The following ATP2C2 variants were observed in gnomAD, a reference collection of about 807,000 sequenced individuals.
ATP2C2 encodes calcium-transporting ATPase type 2C member 2.
A neutral mutation model predicts 110.8 loss-of-function variants in ATP2C2; 171 were observed. That is an observed-to-expected ratio of 1.54 (90% CI 1.36 to 1.75). ATP2C2 has a LOEUF of 1.75. ATP2C2 is among the 40% of genes most tolerant of loss of function. The pLI is 0.00. For missense variants in ATP2C2, 1,963 were observed against 1,235.0 expected (o/e 1.59, Z -8.84); for synonymous variants, 804 against 508.4 (o/e 1.58, Z -7.82).
intron 11 of ATP2C2, 46 bp downstream of exon 11, chr16:84,425,847 G>C: frequency 6.3e-7 from 1 of 1,596,508 alleles, no homozygotes; most frequent in Non-Finnish European, 8.6e-7. Flanking sequence ...GTGGTCAATG[G>C]GCTCTGAGCC....
intron 16 of ATP2C2, 51 bp downstream of exon 16, chr16:84,446,481 C>A: frequency 1.5e-6 from 2 of 1,358,964 alleles, no homozygotes; most frequent in South Asian, 1.4e-5. Flanking sequence ...CGGGCCCCCA[C>A]CCAGAGATAA....
At chr16:84,390,680 G>T (rs1040507307) in intron 1 of ATP2C2, among the ~76,000 whole-genome samples, 1 of 152,164 alleles carries the variant, frequency 6.6e-6, no homozygotes, top group African/African-American at 2.4e-5. Context: ...GGCGGGCGGT[G>T]AAAGTGTTTG....
At chr16:84,444,511 C>T (rs1436539486) in intron 15 of ATP2C2, among the ~76,000 whole-genome samples, 1 of 152,144 alleles carries the variant, frequency 6.6e-6, no homozygotes, top group Non-Finnish European at 1.5e-5. Context: ...TATTATTTTT[C>T]TTCCATTCAC....
At chr16:84,406,713 G>A (rs1293243884) in intron 3 of ATP2C2, 2 of 915,212 alleles carry the variant, frequency 2.2e-6, no homozygotes, top group Non-Finnish European at 2.6e-6. Flanking sequence ...AAGAGGCAGT[G>A]GAGGCTCCCG....
chr16:84,456,183 G>A (rs1354849735), intron 21 of ATP2C2, among the ~76,000 whole-genome samples: 8 of 127,616 alleles, frequency 6.3e-5, no homozygotes, highest in Non-Finnish European at 1.3e-4. Flanking sequence ...CTATTGATTG[G>A]AATAGTTTCA....
At chr16:84,406,014 T>G (rs775753933) in intron 3 of ATP2C2, among the ~76,000 whole-genome samples, 2 of 152,226 alleles carry the variant, frequency 1.3e-5, no homozygotes, top group Non-Finnish European at 2.9e-5. Flanking sequence ...GTGCTTATAC[T>G]AAAAACAAAA....
At chr16:84,427,969 G>A (rs1907943355) in intron 11 of ATP2C2, among the ~76,000 whole-genome samples, 1 of 152,200 alleles carries the variant, frequency 6.6e-6, no homozygotes, top group Admixed American at 6.5e-5. Flanking sequence ...AGAGAAACCA[G>A]AAAGGTATAG....
At chr16:84,381,898 C>G (rs1227092477) in intron 1 of ATP2C2, among the ~76,000 whole-genome samples, 1 of 152,230 alleles carries the variant, frequency 6.6e-6, no homozygotes, top group Non-Finnish European at 1.5e-5. Flanking sequence ...CAGGGTCACA[C>G]AGCTCTTCAT....
Position 84,410,549 on chromosome 16 carries a change from T to C in ATP2C2, c.418-19T>C. On this transcript the variant is annotated intron_variant, in intron 4 of 26. Transcript: ENST00000262429. The stretch of plus-strand genomic sequence containing the variant: ...CACTGAGCCTCTGGTACTGACACCC[T>C]CCTCCGTTTGCTGTCTAGGCAGTGC... 2 of 1,613,480 alleles carry C rather than the reference T, an allele frequency of 1.2e-6. No individual in the cohort carries two copies. The highest frequency in any genetic ancestry group is 1.7e-6 in the Non-Finnish European group (2 of 1,179,730).
chr16:84,452,240 T>A, intron 18 of ATP2C2, 149 bp downstream of exon 18: 1 of 1,022,508 alleles, frequency 9.8e-7, no homozygotes, highest in Non-Finnish European at 1.4e-6. Context: ...AGTATTCGTG[T>A]GCCAGCATTC....
chr16:84,389,611 A>G (rs1201620066), intron 1 of ATP2C2, among the ~76,000 whole-genome samples: 1 of 151,882 alleles, frequency 6.6e-6, no homozygotes, highest in Non-Finnish European at 1.5e-5. Flanking sequence ...GGTGTCCTCT[A>G]AGGACGAGGA....
rs73243718 is a variant in ATP2C2 at position 84,398,064 on chromosome 16, G to C, written c.100-435G>C. Among the ~76,000 whole-genome samples, 233 of 151,914 alleles carry C rather than the reference G, an allele frequency of 1.5e-3. 2 individuals are homozygous for C. The highest frequency in any genetic ancestry group is 5.6e-3 in the African/African-American group (230 of 41,246). Reference sequence around the variant, plus strand: ...GCTGGTTATAAGGGTTAGTTTGTGAGCTGTACACATATGCACACTGTGTGT... The same window carrying C: ...GCTGGTTATAAGGGTTAGTTTGTGACCTGTACACATATGCACACTGTGTGT... On this transcript the variant is annotated intron_variant, in intron 1 of 26. Coordinates refer to ENST00000262429, the MANE Select transcript of ATP2C2 (RefSeq NM_014861.4).
rs575444081 is a variant in ATP2C2 at position 84,455,196 on chromosome 16, C to G, written c.2147+212C>G. Among the ~76,000 whole-genome samples the G allele has an allele frequency of 1.1e-4, 17 of 152,160 alleles. No individual in the cohort carries two copies. The South Asian group carries it at 3.5e-3, about 32-fold the overall frequency. ...GTCATGGGGTCCATGATGCCTGGGGCTAGTCACATGCTGCCCCCAGGGGAA... is the reference window on the plus strand; with the variant it reads ...GTCATGGGGTCCATGATGCCTGGGGGTAGTCACATGCTGCCCCCAGGGGAA... On this transcript the variant is annotated intron_variant, in intron 21 of 26. Coordinates refer to ENST00000262429, the MANE Select transcript of ATP2C2 (RefSeq NM_014861.4).
intron 16 of ATP2C2, among the ~76,000 whole-genome samples, chr16:84,447,533 G>C (rs1044258828): frequency 3.3e-5 from 5 of 151,004 alleles, no homozygotes; most frequent in African/African-American, 1.2e-4. Context: ...TTCAAAACAA[G>C]GTCACTATTT....
Position 84,454,679 on chromosome 16 carries a change from C to G in ATP2C2, c.1981-139C>G, listed in dbSNP as rs993575427. On this transcript the variant is annotated intron_variant, in intron 20 of 26. Transcript: ENST00000262429. ...TCAAGGGCTCGCCCAATTCCCACAGCTAATGTGGGTGAAGCTGGGATTCGA... is the reference window on the plus strand; with the variant it reads ...TCAAGGGCTCGCCCAATTCCCACAGGTAATGTGGGTGAAGCTGGGATTCGA... 2.0e-5 allele frequency: 17 copies of G among 868,506 alleles called. No homozygotes were observed. The East Asian group carries it at 4.8e-4, about 25-fold the overall frequency. 53.8% of individuals were successfully genotyped at this position (868,506 alleles called of 1,614,324 possible). A position where few individuals can be genotyped will look rare whatever the true frequency, so the allele number is the denominator to read the frequency against.
At chr16:84,382,034 G>A (rs575970165) in intron 1 of ATP2C2, among the ~76,000 whole-genome samples, 101 of 152,198 alleles carry the variant, frequency 6.6e-4, no homozygotes, top group African/African-American at 2.3e-3. Context: ...TGTGCAGAAC[G>A]TACAGGTTTG....
chr16:84,453,406 T>C (rs1317396654), intron 20 of ATP2C2, 35 bp downstream of exon 20: 28 of 1,613,084 alleles, frequency 1.7e-5, no homozygotes, highest in Non-Finnish European at 2.4e-5. Context: ...GCTGCGCTGC[T>C]GGGGCCGGGC....
At chr16:84,450,670 G>A (rs547061822) in intron 17 of ATP2C2, among the ~76,000 whole-genome samples, 1 of 152,134 alleles carries the variant, frequency 6.6e-6, no homozygotes, top group Non-Finnish European at 1.5e-5. Context: ...TTTGGTGTCA[G>A]TGAGGGGGCA....
In ATP2C2 at chr16:84,440,904, ATCCAAGGAAGTC is replaced by A; in HGVS notation, c.1258_1269del (p.Ser420_Val423del). 6.2e-7 allele frequency: 1 copy of A among 1,613,694 alleles called. No homozygotes were observed. The highest frequency in any genetic ancestry group is 2.2e-5 in the East Asian group (1 of 44,890). Reference sequence around the variant, plus strand: ...GTCAAGGGACTGTGTGTCTTCTACCATCCAAGGAAGTCATTAAGGAATTTTCCAATGTCTCAG... The same window carrying A: ...GTCAAGGGACTGTGTGTCTTCTACCAATTAAGGAATTTTCCAATGTCTCAG... On this transcript the variant is annotated inframe_deletion, in exon 14 of 27. Transcript: ENST00000262429.
Sources: gnomAD v4.1 joint callset for allele counts (sites outside exome capture counted in the v4.1 genomes callset) on GRCh38, gnomAD v4.1.1 for gene constraint, MANE v1.5 for transcripts, NCBI Gene and HGNC (gene_info 2026-07-23, HGNC 2026-07-21) for gene names.